DDX60: variants seen among roughly 807,000 people sequenced by gnomAD.
DDX60 encodes the protein probable ATP-dependent RNA helicase DDX60.
Under a neutral mutation model 212.8 loss-of-function variants are expected in DDX60, and 165 were observed. That is an observed-to-expected ratio of 0.78 (90% CI 0.68 to 0.88). DDX60 has a LOEUF of 0.88. Ranked by LOEUF, DDX60 falls within the 40% of genes least tolerant of loss-of-function variation. The pLI, the probability that DDX60 is intolerant of heterozygous loss-of-function variation, is 0.00. For synonymous variants in DDX60, 703 were observed against 685.3 expected (o/e 1.03, Z -0.40); for missense variants, 1,905 against 2,003.9 (o/e 0.95, Z 0.94).
chr4:168,298,919 T>C (rs1736525132), intron 6 of DDX60, among the ~76,000 whole-genome samples: 1 of 151,860 alleles, frequency 6.6e-6, no homozygotes, highest in Admixed American at 6.6e-5. Context: ...TCCCAGCACG[T>C]TGGGAGGCCA....
Position 168,284,878 on chromosome 4 carries a change from G to A in DDX60, c.1503C>T (p.His501=). The change falls in exon 12 of 38, where the codon CAC becomes CAT. Residue 501 remains histidine, a synonymous_variant. Coordinates refer to ENST00000393743, the MANE Select transcript of DDX60 (RefSeq NM_017631.6). ...CACTCAGGGGTTTATGAGAATGCCA[G>A]TGCACAAGTTCATCAAATTCCTTTT... The part of the protein sequence containing the change: ...VKQKEFDELV[H]WHSHKPLSDD... 6.3e-7 allele frequency: 1 copy of A among 1,598,400 alleles called. No homozygotes were observed. The highest frequency in any genetic ancestry group is 8.5e-7 in the Non-Finnish European group (1 of 1,170,228).
chr4:168,306,607 G>A lies in DDX60; in HGVS notation c.378C>T (p.Cys126=), dbSNP rs765063780. Residue 126 remains cysteine, a synonymous_variant, in exon 5 of 38, where the codon TGC becomes TGT. Coordinates refer to ENST00000393743, the MANE Select transcript of DDX60 (RefSeq NM_017631.6). ...AGAAACTTCCCCACTCTTTTGATAA[G>A]CATCTCGAAAATGTTGTTCGAACAT... ...TIDVRTTFSR[C]LSKEWGSFLE... 6.2e-7 allele frequency: 1 copy of A among 1,614,088 alleles called. No individual in the cohort carries two copies. Among genetic ancestry groups the A allele is most frequent in the Non-Finnish European group, 8.5e-7 (1 of 1,179,958 alleles).
intron 35 of DDX60, among the ~76,000 whole-genome samples, chr4:168,223,649 T>G (rs1444731751): frequency 6.6e-6 from 1 of 152,094 alleles, no homozygotes; most frequent in Non-Finnish European, 1.5e-5. Context: ...ATGTGTTCAT[T>G]TAAAATGCAC....
At chr4:168,283,406 A>C (rs1245174536) in intron 13 of DDX60, 40 bp downstream of exon 13, 1 of 1,591,504 alleles carries the variant, frequency 6.3e-7, no homozygotes, top group Middle Eastern at 1.8e-4. Context: ...ATAAAAGAAA[A>C]GGAAAATTTT....
chr4:168,303,301 C>T (rs62334660), intron 5 of DDX60, among the ~76,000 whole-genome samples: 1 of 122,204 alleles, frequency 8.2e-6, no homozygotes, highest in Non-Finnish European at 1.6e-5. Context: ...GACTCTGTCT[C>T]CAAAAAAAAA....
chr4:168,287,994 T>C (rs577278435), intron 9 of DDX60, among the ~76,000 whole-genome samples, 180 bp downstream of exon 9: 13 of 152,302 alleles, frequency 8.5e-5, no homozygotes, highest in South Asian at 6.2e-4. Flanking sequence ...GTGAAAAACA[T>C]ATTTTAAAAT....
chr4:168,226,366 G>A (rs1420310760), intron 33 of DDX60, among the ~76,000 whole-genome samples: 1 of 152,024 alleles, frequency 6.6e-6, no homozygotes, highest in African/African-American at 2.4e-5. Flanking sequence ...TCATGAGGGT[G>A]GAGTCCTCAT....
intron 12 of DDX60, among the ~76,000 whole-genome samples, chr4:168,284,311 C>CT (rs1358109325): frequency 6.6e-6 from 1 of 152,126 alleles, no homozygotes; most frequent in Admixed American, 6.6e-5. Flanking sequence ...TTTGTCAACT[C>CT]TAACGGGGCT....
intron 9 of DDX60, 107 bp downstream of exon 9, chr4:168,288,067 T>C: frequency 3.0e-6 from 2 of 675,222 alleles, no homozygotes; most frequent in South Asian, 2.8e-5. Context: ...ATGAAAATAA[T>C]TGCTATGTTA....
chr4:168,283,380 A>G (rs995250941), intron 13 of DDX60, 66 bp downstream of exon 13: 3 of 1,396,392 alleles, frequency 2.1e-6, no homozygotes, highest in Non-Finnish European at 3.0e-6. Flanking sequence ...CCAAAGGGAT[A>G]ACACATATCA....
In DDX60 at chr4:168,283,442, C is replaced by A. The variant is rs752360790; in HGVS notation, c.1722+4G>T. 3 of 1,612,554 alleles carry A rather than the reference C, an allele frequency of 1.9e-6. No individual in the cohort carries two copies. Among genetic ancestry groups the A allele is most frequent in the Non-Finnish European group, 2.5e-6 (3 of 1,179,400 alleles). The stretch of plus-strand genomic sequence containing the variant: ...TTTAATTGGATAGAATTTATAGAAC[C>A]TACGTGTGCCTTTTTGCTCTTGGGC... On this transcript the variant is annotated splice_donor_region_variant and intron_variant, in intron 13 of 37. Coordinates refer to ENST00000393743, the MANE Select transcript of DDX60 (RefSeq NM_017631.6).
At chr4:168,268,101 C>T (rs1734930978) in intron 20 of DDX60, 118 bp from the exon 21 acceptor site, 1 of 790,464 alleles carries the variant, frequency 1.3e-6, no homozygotes, top group Non-Finnish European at 1.9e-6. Flanking sequence ...GGGGAATAGA[C>T]TCAGAAGCCA....
intron 15 of DDX60, 75 bp downstream of exon 15, chr4:168,275,940 T>C (rs539548376): frequency 7.6e-7 from 1 of 1,315,928 alleles, no homozygotes; most frequent in East Asian, 2.5e-5. Context: ...CTGGAAGAGA[T>C]GACTATCTTT....
Position 168,237,767 on chromosome 4 carries a change from A to T in DDX60, c.4193T>A (p.Leu1398Gln). ...KVLSVLKHSL[L>Q]SFKQPRVMDM... The stretch of plus-strand genomic sequence containing the variant: ...CATGACTCTGGGTTGCTTGAAGGAC[A>T]GCAATGAATGCTTTAGCACTGATAG... The change falls in exon 31 of 38, where the codon CTG becomes CAG. Residue 1398 changes from leucine (L) to glutamine (Q), a missense_variant. Coordinates refer to ENST00000393743, the MANE Select transcript of DDX60 (RefSeq NM_017631.6). 5 of 1,611,814 alleles carry T rather than the reference A, an allele frequency of 3.1e-6. No homozygotes were observed. Among genetic ancestry groups the T allele is most frequent in the Non-Finnish European group, 4.2e-6 (5 of 1,178,804 alleles).
chr4:168,307,642 A>C (rs149385340), intron 4 of DDX60, among the ~76,000 whole-genome samples: 109 of 152,248 alleles, frequency 7.2e-4, no homozygotes, highest in Non-Finnish European at 8.2e-4. Context: ...CCCTAGGCTC[A>C]GATATATTTT....
intron 26 of DDX60, among the ~76,000 whole-genome samples, chr4:168,255,429 G>A (rs1190582339): frequency 6.6e-6 from 1 of 152,142 alleles, no homozygotes; most frequent in African/African-American, 2.4e-5. Flanking sequence ...TGCTTATTGT[G>A]TAGGATGATT....
chr4:168,276,732 T>A (rs1283326349), intron 14 of DDX60, among the ~76,000 whole-genome samples: 2 of 152,226 alleles, frequency 1.3e-5, no homozygotes. Context: ...AATTATTTCA[T>A]ACTTATTATG....
intron 26 of DDX60, among the ~76,000 whole-genome samples, chr4:168,255,031 T>C (rs1453809426): frequency 6.6e-6 from 1 of 152,160 alleles, no homozygotes; most frequent in Non-Finnish European, 1.5e-5. Context: ...GCAAGATCAT[T>C]TGTTGACTGG....
intron 28 of DDX60, among the ~76,000 whole-genome samples, chr4:168,249,428 T>C (rs1313617075): frequency 1.3e-5 from 2 of 152,228 alleles, no homozygotes; most frequent in African/African-American, 4.8e-5. Context: ...CTGAAATCTA[T>C]ATATCTGCGA....
Sources: allele counts gnomAD v4.1 joint callset (sites outside exome capture counted in the v4.1 genomes callset), GRCh38; gene constraint gnomAD v4.1.1; transcripts MANE v1.5; gene names NCBI Gene and HGNC (gene_info 2026-07-23, HGNC 2026-07-21).